CPA3: variants seen among roughly 807,000 people sequenced by gnomAD.
CPA3 encodes the protein carboxypeptidase A3.
CPA3 carries 52 observed loss-of-function variants against 55.8 expected under a neutral mutation model. The ratio of observed to expected loss-of-function variants is 0.93; its 90% CI spans 0.75 to 1.17. The LOEUF is 1.17. Among genes scored for constraint, CPA3 ranks in the 50% most tolerant of loss-of-function variants. The probability of loss-of-function intolerance (pLI) is 0.00; values close to 1 mark genes in which losing one functional copy is unlikely to be tolerated. For missense variants in CPA3, 547 were observed against 509.1 expected (o/e 1.07, Z -0.72); for synonymous variants, 179 against 171.2 (o/e 1.05, Z -0.36).
chr3:148,870,950 G>C (rs752309425), intron 3 of CPA3, among the ~76,000 whole-genome samples: 7 of 152,196 alleles, frequency 4.6e-5, no homozygotes, highest in African/African-American at 7.2e-5. Context: ...CCAGACTGGA[G>C]TGCAGTGGCG....
intron 3 of CPA3, 82 bp from the exon 4 acceptor site, chr3:148,878,359 G>T: frequency 1.0e-6 from 1 of 988,432 alleles, no homozygotes; most frequent in Non-Finnish European, 1.6e-6. Context: ...GGAGAAGGAA[G>T]AGAAATTTCT....
At chr3:148,878,059 C>G (rs1248940062) in intron 3 of CPA3, among the ~76,000 whole-genome samples, 1 of 151,984 alleles carries the variant, frequency 6.6e-6, no homozygotes, top group Non-Finnish European at 1.5e-5. Context: ...TTTATTTAGC[C>G]CAATATATCT....
intron 8 of CPA3, among the ~76,000 whole-genome samples, chr3:148,883,256 C>A (rs1331710074): frequency 6.6e-6 from 1 of 152,102 alleles, no homozygotes; most frequent in Non-Finnish European, 1.5e-5. Context: ...AAACTTGTGC[C>A]CAGGGAAGGT....
chr3:148,894,358 T>G (rs1283532729), intron 10 of CPA3, among the ~76,000 whole-genome samples: 2 of 150,736 alleles, frequency 1.3e-5, no homozygotes, highest in Non-Finnish European at 3.0e-5. Flanking sequence ...TTAAGAAAAC[T>G]AAGCAAGTGA....
chr3:148,880,410 C>A (rs1383391197), intron 6 of CPA3, among the ~76,000 whole-genome samples: 1 of 151,380 alleles, frequency 6.6e-6, no homozygotes, highest in Non-Finnish European at 1.5e-5. Context: ...CGTCTCACTG[C>A]AACCTCCGCC....
chr3:148,875,722 T>C (rs1231663116), intron 3 of CPA3, among the ~76,000 whole-genome samples: 1 of 152,162 alleles, frequency 6.6e-6, no homozygotes, highest in Non-Finnish European at 1.5e-5. Flanking sequence ...TTTGTGAGGG[T>C]ATTTGTAAAT....
chr3:148,877,268 G>C (rs186164353), intron 3 of CPA3, among the ~76,000 whole-genome samples: 6 of 152,290 alleles, frequency 3.9e-5, no homozygotes, highest in African/African-American at 1.4e-4. Context: ...GGCTGAGGTG[G>C]GCAGATCACC....
At chr3:148,867,345 T>C (rs1713929521) in intron 2 of CPA3, among the ~76,000 whole-genome samples, 1 of 152,246 alleles carries the variant, frequency 6.6e-6, no homozygotes, top group South Asian at 2.1e-4. Context: ...TGGCTGCTCC[T>C]TGTGCTCCTG....
At chr3:148,880,333 TTC>T (rs200609684) in intron 6 of CPA3, among the ~76,000 whole-genome samples, 3,466 of 132,752 alleles carry the variant, frequency 0.026, 124 homozygotes, top group African/African-American at 0.099. Flanking sequence ...ACTCACTTTT[TTC>T]TTTTTTTTTT....
In CPA3 at chr3:148,896,639, C is replaced by G; in HGVS notation, c.1186C>G (p.Pro396Ala). 2 of 1,590,570 alleles carry G rather than the reference C, an allele frequency of 1.3e-6. No individual in the cohort carries two copies. The highest frequency in any genetic ancestry group is 1.7e-4 in the Middle Eastern group (1 of 5,976). ...GFLLPESRIK[P>A]TCRETMLAVK... is the part of the protein sequence containing the mutation. Reference sequence around the variant, plus strand: ...TCTCCTTCCAGAATCCCGGATAAAGCCAACGTGCAGAGAGACCATGCTAGC... The same window carrying G: ...TCTCCTTCCAGAATCCCGGATAAAGGCAACGTGCAGAGAGACCATGCTAGC... Residue 396 changes from proline to alanine, a missense_variant, in exon 11 of 11, where the codon CCA (proline) becomes GCA (alanine). Transcript: ENST00000296046.
At chr3:148,887,766 C>T (rs1413437342) in intron 10 of CPA3, among the ~76,000 whole-genome samples, 2 of 152,194 alleles carry the variant, frequency 1.3e-5, no homozygotes, top group African/African-American at 4.8e-5. Flanking sequence ...CCCCATGAAA[C>T]TTCTCAAAAG....
intron 3 of CPA3, among the ~76,000 whole-genome samples, chr3:148,876,614 T>C (rs1714211947): frequency 6.6e-6 from 1 of 152,202 alleles, no homozygotes; most frequent in Non-Finnish European, 1.5e-5. Flanking sequence ...TGGCCTCATG[T>C]GATCCAACTG....
At chr3:148,869,385 C>T (rs960116165) in intron 3 of CPA3, among the ~76,000 whole-genome samples, 2 of 152,098 alleles carry the variant, frequency 1.3e-5, no homozygotes, top group African/African-American at 2.4e-5. Context: ...GACAGGTAAT[C>T]GGCCCAGATC....
chr3:148,865,508 A>G lies in CPA3; in HGVS notation c.104A>G (p.Lys35Arg), dbSNP rs145785078. Residue 35 changes from lysine to arginine, a missense_variant, in exon 2 of 11, where the codon AAA (lysine) becomes AGA (arginine). Coordinates refer to ENST00000296046, the MANE Select transcript of CPA3 (RefSeq NM_001870.4). ...TTCCGCGTGAAGCCCCAGGATGAAA[A>G]ACAAGCAGACATCATAAAGGACTTG... ...KVFRVKPQDE[K>R]QADIIKDLAK... 5.0e-6 allele frequency: 8 copies of G among 1,613,920 alleles called. No homozygotes were observed. The highest frequency in any genetic ancestry group is 6.8e-6 in the Non-Finnish European group (8 of 1,180,012).
rs2108028460 is a variant in CPA3, at chr3:148,868,933, G to A, written c.163G>A (p.Gly55Ser). The A allele has an allele frequency of 3.1e-6, 5 of 1,613,878 alleles. No individual in the cohort carries two copies. Among genetic ancestry groups the A allele is most frequent in the Non-Finnish European group, 4.2e-6 (5 of 1,179,962 alleles). The change falls in exon 3 of 11, where the codon GGT becomes AGT. Residue 55 changes from glycine (G) to serine (S), a missense_variant. Physicochemically the swap from Gly to Ser is moderately conservative, Grantham distance 56. Coordinates refer to ENST00000296046, the MANE Select transcript of CPA3 (RefSeq NM_001870.4). ...KTNELDFWYP[G>S]ATHHVAANMM... The stretch of plus-strand genomic sequence containing the variant: ...TCTGCAGCTTGACTTCTGGTATCCA[G>A]GTGCCACCCACCACGTAGCTGCTAA...
chr3:148,878,716 A>G lies in CPA3; in HGVS notation c.442A>G (p.Thr148Ala). The G allele has an allele frequency of 6.2e-7, 1 of 1,607,062 alleles. No homozygotes were observed. The highest frequency in any genetic ancestry group is 1.1e-5 in the South Asian group (1 of 90,686). The change falls in exon 5 of 11, where the codon ACT becomes GCT. Residue 148 changes from threonine to alanine, a missense_variant. Transcript: ENST00000296046. ...EMVSRIKIGS[T>A]VEDNPLYVLK... ...GGTCTCTCGTATTAAAATTGGATCT[A>G]CTGTTGAAGATAATCCACTATATGT...
chr3:148,868,391 G>A (rs1317386109), intron 2 of CPA3, among the ~76,000 whole-genome samples: 1 of 152,150 alleles, frequency 6.6e-6, no homozygotes, highest in Non-Finnish European at 1.5e-5. Context: ...GGAGAGAGGA[G>A]TAAAATTTAA....
At chr3:148,886,495 T>C (rs1253496901) in intron 10 of CPA3, among the ~76,000 whole-genome samples, 1 of 151,876 alleles carries the variant, frequency 6.6e-6, no homozygotes, top group African/African-American at 2.4e-5. Flanking sequence ...AACAATGTTG[T>C]ATCCTTCCAG....
chr3:148,867,632 T>C (rs1713941152), intron 2 of CPA3, among the ~76,000 whole-genome samples: 1 of 152,224 alleles, frequency 6.6e-6, no homozygotes, highest in Non-Finnish European at 1.5e-5. Flanking sequence ...TATGTCCAAC[T>C]CATGATGTAG....
Sources: gnomAD v4.1 joint callset for allele counts (sites outside exome capture counted in the v4.1 genomes callset) on GRCh38, gnomAD v4.1.1 for gene constraint, MANE v1.5 for transcripts, NCBI Gene and HGNC (gene_info 2026-07-23, HGNC 2026-07-21) for gene names.